The following TCF4 variants were observed in gnomAD, a reference collection of about 807,000 sequenced individuals.
TCF4 encodes the protein transcription factor 4, also known as SL3-3 enhancer factor 2.
Under a neutral mutation model 82.1 loss-of-function variants are expected in TCF4, and 3 were observed. That is an observed-to-expected ratio of 0.04 (90% CI 0.02 to 0.09). The LOEUF is 0.09. Among genes scored for constraint, TCF4 ranks in the 10% least tolerant of loss-of-function variants. TCF4 has a pLI of 1.00. For missense variants in TCF4, 518 were observed against 852.7 expected (o/e 0.61, Z 4.89); for synonymous variants, 276 against 309.6 (o/e 0.89, Z 1.14).
intron 10 of TCF4, among the ~76,000 whole-genome samples, chr18:55,273,569 T>C (rs2060836713): frequency 1.3e-5 from 2 of 152,138 alleles, no homozygotes; most frequent in South Asian, 4.1e-4. Context: ...CAACTAGATA[T>C]AATAATTCAA....
chr18:55,283,569 TA>T, intron 8 of TCF4, among the ~76,000 whole-genome samples: 1 of 152,316 alleles, frequency 6.6e-6, no homozygotes, highest in African/African-American at 2.4e-5. Flanking sequence ...TGGATATTAT[TA>T]ATAGTATCTG....
At chr18:55,254,401 TA>T in intron 15 of TCF4, 95 bp downstream of exon 15, 2 of 1,206,174 alleles carry the variant, frequency 1.7e-6, no homozygotes, top group Non-Finnish European at 1.2e-6. Flanking sequence ...TATATCTCAA[TA>T]AAGCTGATTT....
At chr18:55,257,997 A>G (rs1462923556) in intron 13 of TCF4, among the ~76,000 whole-genome samples, 1 of 152,326 alleles carries the variant, frequency 6.6e-6, no homozygotes, top group Admixed American at 6.5e-5. Flanking sequence ...GTTAGAATAC[A>G]TATTACATGT....
intron 2 of TCF4, among the ~76,000 whole-genome samples, chr18:55,617,841 G>GTGTT (rs2097713736): frequency 6.7e-6 from 1 of 148,854 alleles, no homozygotes; most frequent in Non-Finnish European, 1.5e-5. Flanking sequence ...GTGTGTGTGT[G>GTGTT]TGTGTGTGTA....
At chr18:55,276,541 C>T (rs189468555) in intron 9 of TCF4, among the ~76,000 whole-genome samples, 5 of 152,120 alleles carry the variant, frequency 3.3e-5, no homozygotes, top group Non-Finnish European at 4.4e-5. Flanking sequence ...AACATCCCTA[C>T]GGATTTTTTC....
chr18:55,510,873 A>T, intron 3 of TCF4: 2 of 723,746 alleles, frequency 2.8e-6, no homozygotes, highest in Non-Finnish European at 3.6e-6. Flanking sequence ...ACAATAGCAG[A>T]CCTTTTCTGA....
At chr18:55,516,605 A>G (rs954068989) in intron 3 of TCF4, among the ~76,000 whole-genome samples, 4 of 152,120 alleles carry the variant, frequency 2.6e-5, no homozygotes, top group African/African-American at 9.7e-5. Flanking sequence ...AGAGGAAATG[A>G]CTGTAATCTT....
chr18:55,565,962 G>A (rs927478107), intron 3 of TCF4, among the ~76,000 whole-genome samples: 4 of 151,534 alleles, frequency 2.6e-5, no homozygotes, highest in African/African-American at 9.7e-5. Context: ...AGCAGTTTGG[G>A]AGGCTGAGGC....
At chr18:55,325,015 T>G (rs767886134) in intron 8 of TCF4, among the ~76,000 whole-genome samples, 2 of 152,220 alleles carry the variant, frequency 1.3e-5, no homozygotes, top group Non-Finnish European at 2.9e-5. Context: ...ACACATACAT[T>G]TGTTATAAGA....
At chr18:55,532,112 G>A (rs907605011) in intron 3 of TCF4, among the ~76,000 whole-genome samples, 1 of 152,152 alleles carries the variant, frequency 6.6e-6, no homozygotes, top group Non-Finnish European at 1.5e-5. Context: ...AGTAAGCACA[G>A]AGAAGTGGGT....
chr18:55,255,832 A>G (rs778619633), intron 14 of TCF4, among the ~76,000 whole-genome samples: 2 of 152,194 alleles, frequency 1.3e-5, no homozygotes, highest in Non-Finnish European at 2.9e-5. Flanking sequence ...GCACTAGATC[A>G]TGCTACAATT....
rs181327486 is a variant in TCF4 at position 55,509,813 on chromosome 18, C to T, written c.146-45676G>A. Reference sequence around the variant, plus strand: ...TGAGCCAAAAATAAAGGGAAAGGGGCGGGGGGAAATCACAGGAAGTTAAAC... The same window carrying T: ...TGAGCCAAAAATAAAGGGAAAGGGGTGGGGGGAAATCACAGGAAGTTAAAC... On this transcript the variant is annotated intron_variant, in intron 3 of 19. Coordinates refer to ENST00000354452, the MANE Select transcript of TCF4 (RefSeq NM_001083962.2). 7.9e-5 allele frequency among the ~76,000 whole-genome samples: 12 copies of T among 152,088 alleles called. No homozygotes were observed. The East Asian group carries it at 1.2e-3, about 15-fold the overall frequency.
chr18:55,404,085 A>G (rs1478466917), intron 5 of TCF4: 2 of 1,103,406 alleles, frequency 1.8e-6, no homozygotes, highest in Admixed American at 9.4e-5. Flanking sequence ...TTTGGGAAAC[A>G]GGGCTTTTGA....
At chr18:55,327,970 T>A (rs1256728071) in intron 8 of TCF4, among the ~76,000 whole-genome samples, 1 of 152,196 alleles carries the variant, frequency 6.6e-6, no homozygotes, top group Non-Finnish European at 1.5e-5. Context: ...TATGCCATTA[T>A]CTACATGAAC....
intron 3 of TCF4, among the ~76,000 whole-genome samples, chr18:55,557,568 GA>G (rs916761844): frequency 3.3e-5 from 5 of 151,072 alleles, no homozygotes; most frequent in African/African-American, 9.7e-5. Flanking sequence ...GGAGGAAAAT[GA>G]AAAAAAGAAA....
At chr18:55,388,967 C>CA (rs1053679796) in intron 6 of TCF4, among the ~76,000 whole-genome samples, 7 of 150,366 alleles carry the variant, frequency 4.7e-5, no homozygotes, top group African/African-American at 9.8e-5. Flanking sequence ...ACTAAAAATA[C>CA]AAAAAAAAAT....
At chr18:55,348,871 C>T (rs1213228541) in intron 8 of TCF4, among the ~76,000 whole-genome samples, 1 of 152,054 alleles carries the variant, frequency 6.6e-6, no homozygotes, top group Admixed American at 6.6e-5. Context: ...CAAAGGTCCA[C>T]CAAATGCATT....
At chr18:55,395,782 C>T (rs1733972164) in intron 6 of TCF4, among the ~76,000 whole-genome samples, 2 of 152,172 alleles carry the variant, frequency 1.3e-5, no homozygotes, top group South Asian at 4.1e-4. Context: ...ATAATCTATA[C>T]ATTTTTAAGA....
At chr18:55,586,895 CT>C (rs1365853808) in intron 2 of TCF4, 149 bp downstream of exon 2, 3 of 581,396 alleles carry the variant, frequency 5.2e-6, no homozygotes, top group Non-Finnish European at 6.0e-6. Flanking sequence ...TAGTTAAAAA[CT>C]TGTCAAAAAG....
Sources: allele counts gnomAD v4.1 joint callset (sites outside exome capture counted in the v4.1 genomes callset), GRCh38; gene constraint gnomAD v4.1.1; transcripts MANE v1.5; gene names NCBI Gene and HGNC (gene_info 2026-07-23, HGNC 2026-07-21).